Variants in PAIP1 observed in about 807,000 individuals in gnomAD.
PAIP1 encodes polyadenylate-binding protein-interacting protein 1.
A neutral mutation model predicts 61.3 loss-of-function variants in PAIP1; 16 were observed. That is an observed-to-expected ratio of 0.26 (90% CI 0.18 to 0.40). PAIP1 has a LOEUF of 0.40. Ranked by LOEUF, PAIP1 falls within the 10% of genes least tolerant of loss-of-function variation. PAIP1 has a pLI of 1.00. For synonymous variants in PAIP1, 187 were observed against 226.2 expected (o/e 0.83, Z 1.56); for missense variants, 416 against 600.9 (o/e 0.69, Z 3.22).
chr5:43,527,659 C>T (rs1411919334), intron 10 of PAIP1, among the ~76,000 whole-genome samples, 190 bp from the exon 11 acceptor site: 3 of 152,122 alleles, frequency 2.0e-5, no homozygotes, highest in African/African-American at 7.2e-5. Flanking sequence ...TAAAATTTTA[C>T]AGATTCTGAG....
intron 10 of PAIP1, among the ~76,000 whole-genome samples, chr5:43,527,671 C>A (rs888439935): frequency 6.6e-6 from 1 of 152,084 alleles, no homozygotes; most frequent in African/African-American, 2.4e-5. Flanking sequence ...GATTCTGAGT[C>A]CCTTGTGTGT....
intron 2 of PAIP1, among the ~76,000 whole-genome samples, chr5:43,548,349 T>C (rs1747728623): frequency 6.6e-6 from 1 of 152,104 alleles, no homozygotes; most frequent in Non-Finnish European, 1.5e-5. Flanking sequence ...GGATTCATTA[T>C]ACCATTCTCT....
At chr5:43,555,767 A>C in intron 2 of PAIP1, 63 bp downstream of exon 2, 3 of 1,399,586 alleles carry the variant, frequency 2.1e-6, no homozygotes, top group Non-Finnish European at 2.9e-6. Flanking sequence ...TCTGATTAAC[A>C]AAGTAACAAC....
At chr5:43,536,738 C>A (rs967758550) in intron 6 of PAIP1, 81 bp downstream of exon 6, 2 of 622,000 alleles carry the variant, frequency 3.2e-6, no homozygotes, top group Non-Finnish European at 5.4e-6. Flanking sequence ...ATCTTGAATT[C>A]ATCTGTATAC....
In PAIP1 at chr5:43,533,225, C is replaced by T. The variant is rs569283018; in HGVS notation, c.1252+513G>A. Among the ~76,000 whole-genome samples, 22 of 152,274 alleles carry T rather than the reference C, an allele frequency of 1.4e-4. No individual in the cohort carries two copies. In the South Asian group the frequency reaches 4.4e-3, roughly 30 times the overall value. ...AATTTCTCTTCCTCACTCTACAGTT[C>T]CATCTAATACAATTAAGGCAATCTT... On this transcript the variant is annotated intron_variant, in intron 9 of 10. Coordinates refer to ENST00000306846, the MANE Select transcript of PAIP1 (RefSeq NM_006451.5).
chr5:43,539,536 T>C (rs1386137667), intron 4 of PAIP1, among the ~76,000 whole-genome samples: 2 of 151,850 alleles, frequency 1.3e-5, no homozygotes, highest in Non-Finnish European at 2.9e-5. Flanking sequence ...ATTATTCTTG[T>C]AATTTCCATT....
intron 4 of PAIP1, among the ~76,000 whole-genome samples, chr5:43,540,536 G>A (rs1215170262): frequency 6.6e-6 from 1 of 152,110 alleles, no homozygotes; most frequent in Non-Finnish European, 1.5e-5. Context: ...GTTTATTTTG[G>A]AAAGGTTAAA....
At chr5:43,531,799 T>G (rs1746952535) in intron 9 of PAIP1, among the ~76,000 whole-genome samples, 1 of 152,014 alleles carries the variant, frequency 6.6e-6, no homozygotes, top group Non-Finnish European at 1.5e-5. Context: ...TTTCTGTAAG[T>G]TTGAAATCAT....
At chr5:43,544,665 AAT>A (rs1747557579) in intron 3 of PAIP1, among the ~76,000 whole-genome samples, 2 of 152,218 alleles carry the variant, frequency 1.3e-5, no homozygotes, top group South Asian at 4.1e-4. Context: ...AAAAACAGAA[AAT>A]ATGAGTGTCC....
Position 43,557,014 on chromosome 5 carries a change from G to C in PAIP1, c.-168C>G, listed in dbSNP as rs1238617861. On this transcript the variant is annotated 5_prime_UTR_variant, in exon 1 of 11. Coordinates refer to ENST00000306846, the MANE Select transcript of PAIP1 (RefSeq NM_006451.5). ...GGCTGCTCGGTGCTTCTGGCGGAGC[G>C]GACGGCAGCCCGAGCACCCGCCGCT... 6 of 1,174,034 alleles carry C rather than the reference G, an allele frequency of 5.1e-6. No individual in the cohort carries two copies. Among genetic ancestry groups the C allele is most frequent in the Non-Finnish European group, 6.4e-6 (6 of 931,050 alleles). The allele number at this position is 1,174,034 out of a possible 1,614,324, so 72.7% of individuals were successfully genotyped here.
intron 4 of PAIP1, among the ~76,000 whole-genome samples, chr5:43,540,461 C>T (rs1001019613): frequency 6.6e-6 from 1 of 152,092 alleles, no homozygotes; most frequent in Non-Finnish European, 1.5e-5. Context: ...CAAATACCTA[C>T]ATAATTGACT....
rs1299999029 is a variant in PAIP1, at chr5:43,543,088, A to G, written c.650T>C (p.Met217Thr). The change falls in exon 4 of 11, where the codon ATG becomes ACG. Residue 217 changes from methionine (M) to threonine (T), a missense_variant. Met to Thr is a moderately conservative substitution (Grantham distance 81). This residue lies in a region of PAIP1 where 180 missense variants were observed against 211.2 expected (regional missense o/e 0.85). Transcript: ENST00000306846. ...CAGGTAATTACACAGGCGAGCTCCC[A>G]TATAAGAGAAATTTGGGATAGATGT... ...QATSIPNFSY[M>T]GARLCNYLSH... is the part of the protein sequence containing the mutation. The G allele has an allele frequency of 1.9e-6, 3 of 1,606,924 alleles. No homozygotes were observed. Among genetic ancestry groups the G allele is most frequent in the Admixed American group, 1.7e-5 (1 of 59,920 alleles).
chr5:43,531,730 G>A (rs898613789), intron 9 of PAIP1, among the ~76,000 whole-genome samples: 5 of 148,144 alleles, frequency 3.4e-5, no homozygotes, highest in Admixed American at 6.9e-5. Context: ...GCAAGTAACT[G>A]TTAACAAAAA....
chr5:43,537,194 C>T (rs1006329979), intron 5 of PAIP1, among the ~76,000 whole-genome samples: 3 of 152,196 alleles, frequency 2.0e-5, no homozygotes, highest in Admixed American at 6.5e-5. Flanking sequence ...TTTGATGTTA[C>T]TACTTCATAA....
At chr5:43,544,207 T>C (rs1295214419) in intron 3 of PAIP1, among the ~76,000 whole-genome samples, 1 of 120,130 alleles carries the variant, frequency 8.3e-6, no homozygotes, top group Non-Finnish European at 1.8e-5. Context: ...TAATTGAACA[T>C]AGAATCTAGA....
At chr5:43,546,125 T>C (rs559894289) in intron 3 of PAIP1, among the ~76,000 whole-genome samples, 1 of 152,306 alleles carries the variant, frequency 6.6e-6, no homozygotes, top group South Asian at 2.1e-4. Context: ...TATGAGTAAA[T>C]TTCCATAAAT....
chr5:43,527,924 T>G (rs1387677276), intron 10 of PAIP1, among the ~76,000 whole-genome samples: 1 of 152,216 alleles, frequency 6.6e-6, no homozygotes, highest in African/African-American at 2.4e-5. Context: ...CTGCTATGAT[T>G]TCTGCTGGGT....
At chr5:43,547,069 A>AAAAC (rs1747666773) in intron 3 of PAIP1, among the ~76,000 whole-genome samples, 2 of 149,054 alleles carry the variant, frequency 1.3e-5, no homozygotes, top group African/African-American at 2.5e-5. Flanking sequence ...AAAAAAAAAA[A>AAAAC]GCGTTAATAT....
At chr5:43,551,348 A>C (rs1747860045) in intron 2 of PAIP1, among the ~76,000 whole-genome samples, 1 of 152,190 alleles carries the variant, frequency 6.6e-6, no homozygotes, top group Admixed American at 6.5e-5. Context: ...CAATCCATTA[A>C]CAAGGAATTG....
Sources: allele counts gnomAD v4.1 joint callset (sites outside exome capture counted in the v4.1 genomes callset), GRCh38; gene constraint gnomAD v4.1.1; regional missense constraint gnomAD v4.1.1; transcripts MANE v1.5; gene names NCBI Gene and HGNC (gene_info 2026-07-23, HGNC 2026-07-21).